ZPLD1: variants seen among roughly 807,000 people sequenced by gnomAD.
The protein encoded by ZPLD1 is zona pellucida-like domain-containing protein 1.
In ZPLD1, 34 loss-of-function variants were observed where a neutral mutation model predicts 47.2. The observed-to-expected ratio is 0.72, with a 90% CI of 0.55 to 0.96. The LOEUF is 0.96. Among genes scored for constraint, ZPLD1 ranks in the 40% least tolerant of loss-of-function variants. The pLI, the probability that ZPLD1 is intolerant of heterozygous loss-of-function variation, is 0.00. For synonymous variants in ZPLD1, 176 were observed against 186.2 expected, an observed-to-expected ratio of 0.95 and a Z score of 0.45; for missense variants, 512 against 505.8, an observed-to-expected ratio of 1.01 and a Z score of -0.12.
chr3:102,405,453 CA>C (rs1194285234), intron 7 of ZPLD1, among the ~76,000 whole-genome samples: 1 of 151,912 alleles, frequency 6.6e-6, no homozygotes, highest in Non-Finnish European at 1.5e-5. Context: ...TGTTGACTAT[CA>C]ATAGCAGAAA....
chr3:102,405,047 C>T (rs772209256), intron 7 of ZPLD1, among the ~76,000 whole-genome samples: 13 of 151,866 alleles, frequency 8.6e-5, no homozygotes, highest in Admixed American at 4.6e-4. Flanking sequence ...CTGTGATATT[C>T]CTTTAACTGA....
intron 7 of ZPLD1, among the ~76,000 whole-genome samples, chr3:102,415,942 CT>C (rs1177826435): frequency 6.6e-6 from 1 of 151,800 alleles, no homozygotes; most frequent in East Asian, 1.9e-4. Flanking sequence ...ACATTAAGTC[CT>C]TTTCTGCACA....
At chr3:102,404,697 A>T (rs1047811874) in intron 7 of ZPLD1, among the ~76,000 whole-genome samples, 2 of 152,024 alleles carry the variant, frequency 1.3e-5, no homozygotes, top group Non-Finnish European at 2.9e-5. Flanking sequence ...GAGCCAATGC[A>T]GAGCAAGATG....
At chr3:102,401,420 A>G (rs139853817) in intron 7 of ZPLD1, among the ~76,000 whole-genome samples, 31 of 152,228 alleles carry the variant, frequency 2.0e-4, no homozygotes, top group Middle Eastern at 3.4e-3. Context: ...AAGGCTGTGT[A>G]TGAAGTGCAT....
chr3:102,468,679 G>A (rs1034465123), intron 8 of ZPLD1, among the ~76,000 whole-genome samples: 1 of 152,172 alleles, frequency 6.6e-6, no homozygotes, highest in African/African-American at 2.4e-5. Flanking sequence ...ACCTCTGGCA[G>A]GTTTCTATGT....
At chr3:102,471,316 C>T (rs1287637751) in intron 10 of ZPLD1, among the ~76,000 whole-genome samples, 1 of 152,140 alleles carries the variant, frequency 6.6e-6, no homozygotes, top group Non-Finnish European at 1.5e-5. Context: ...CTCTCCTTAT[C>T]CCTTAACTCT....
chr3:102,470,338 T>C, intron 9 of ZPLD1, 56 bp from the exon 10 acceptor site: 19 of 1,415,694 alleles, frequency 1.3e-5, no homozygotes, highest in Non-Finnish European at 1.7e-5. Context: ...CAAATGGCCA[T>C]AAAGAAACAA....
At chr3:102,388,455 CTGTGTGTGTGTG>C (rs55700835) in intron 6 of ZPLD1, among the ~76,000 whole-genome samples, 24 of 135,410 alleles carry the variant, frequency 1.8e-4, no homozygotes, top group African/African-American at 4.0e-4. Flanking sequence ...CTCTCTCTGT[CTGTGTGTGTGTG>C]TGTGTGTGTG....
chr3:102,424,217 C>T (rs750106209), intron 8 of ZPLD1, among the ~76,000 whole-genome samples: 1 of 152,096 alleles, frequency 6.6e-6, no homozygotes, highest in Non-Finnish European at 1.5e-5. Context: ...AAATTGTCCT[C>T]GTCTCTCCAG....
intron 7 of ZPLD1, among the ~76,000 whole-genome samples, chr3:102,400,446 C>T (rs1013350999): frequency 6.6e-6 from 1 of 151,990 alleles, no homozygotes; most frequent in African/African-American, 2.4e-5. Flanking sequence ...CTGTGTTTTT[C>T]CCTGGCTGGA....
At chr3:102,423,436 A>G (rs1706904331) in intron 8 of ZPLD1, among the ~76,000 whole-genome samples, 1 of 152,108 alleles carries the variant, frequency 6.6e-6, no homozygotes, top group Non-Finnish European at 1.5e-5. Flanking sequence ...AAACTCCTCA[A>G]GTAATTCAAA....
chr3:102,392,777 G>A (rs1490534417), intron 7 of ZPLD1, among the ~76,000 whole-genome samples: 1 of 152,098 alleles, frequency 6.6e-6, no homozygotes, highest in African/African-American at 2.4e-5. Flanking sequence ...AAATTTTGGA[G>A]GGGACAAATA....
chr3:102,471,384 T>A (rs1210546077), intron 10 of ZPLD1, among the ~76,000 whole-genome samples: 1 of 152,222 alleles, frequency 6.6e-6, no homozygotes, highest in African/African-American at 2.4e-5. Flanking sequence ...ACTCCGTACA[T>A]GGCCCAGTTT....
At chr3:102,410,016 CT>C (rs1354468610) in intron 7 of ZPLD1, among the ~76,000 whole-genome samples, 14 of 151,892 alleles carry the variant, frequency 9.2e-5, no homozygotes, top group African/African-American at 3.1e-4. Context: ...GTCATTATAT[CT>C]GTATGAAACT....
At chr3:102,425,573 G>T (rs1205608949) in intron 8 of ZPLD1, among the ~76,000 whole-genome samples, 1 of 151,940 alleles carries the variant, frequency 6.6e-6, no homozygotes, top group Non-Finnish European at 1.5e-5. Flanking sequence ...TGCCTACTGT[G>T]GCTCACAGCT....
chr3:102,390,908 T>C (rs766791544), intron 6 of ZPLD1, among the ~76,000 whole-genome samples: 3 of 152,016 alleles, frequency 2.0e-5, no homozygotes, highest in Non-Finnish European at 4.4e-5. Context: ...AATTAGCATG[T>C]AAGCCCAGTG....
chr3:102,433,952 CATT>C (rs1707050152), upstream of ZPLD1, among the ~76,000 whole-genome samples: 1 of 152,104 alleles, frequency 6.6e-6, no homozygotes, highest in African/African-American at 2.4e-5. Flanking sequence ...CTTAAGCATA[CATT>C]ATTAATATAA....
chr3:102,440,668 G>A (rs1382001763), intron 3 of ZPLD1, among the ~76,000 whole-genome samples: 1 of 149,248 alleles, frequency 6.7e-6, no homozygotes, highest in African/African-American at 2.5e-5. Flanking sequence ...TAAGCAATGA[G>A]TAGGGAGTAG....
intron 6 of ZPLD1, among the ~76,000 whole-genome samples, chr3:102,460,856 G>T (rs1707495933): frequency 6.6e-6 from 1 of 151,878 alleles, no homozygotes. Context: ...GCAAATATAA[G>T]ATGAAAGGGC....
Sources: allele counts gnomAD v4.1 joint callset (sites outside exome capture counted in the v4.1 genomes callset), GRCh38; gene constraint gnomAD v4.1.1; transcripts MANE v1.5; gene names NCBI Gene and HGNC (gene_info 2026-07-23, HGNC 2026-07-21).